The following SLC24A2 variants were observed in gnomAD, a reference collection of about 807,000 sequenced individuals.
SLC24A2 encodes the protein solute carrier family 24 member 2.
Under a neutral mutation model 62.0 loss-of-function variants are expected in SLC24A2, and 36 were observed. That is an observed-to-expected ratio of 0.58 (90% CI 0.44 to 0.77). SLC24A2 has a LOEUF of 0.77. Ranked by LOEUF, SLC24A2 falls within the 30% of genes least tolerant of loss-of-function variation. The pLI is 0.00. For missense variants in SLC24A2, 846 were observed against 817.9 expected, an observed-to-expected ratio of 1.03 and a Z score of -0.42; for synonymous variants, 358 against 294.0, an observed-to-expected ratio of 1.22 and a Z score of -2.23.
At chr9:20,304,529 A>T in the SLC24A2 span, among the ~76,000 whole-genome samples, 1 of 152,256 alleles carries the variant, frequency 6.6e-6, no homozygotes, top group Non-Finnish European at 1.5e-5. Flanking sequence ...ACACATGCGT[A>T]AGTTTGGAAA....
Position 19,515,108 on chromosome 9 carries a change from TACCCC to T in SLC24A2, c.*1040_*1044del, listed in dbSNP as rs1832874380. The T allele has an allele frequency of 6.6e-6, 1 of 152,102 alleles. No individual in the cohort carries two copies. Among genetic ancestry groups the T allele is most frequent in the South Asian group, 2.1e-4 (1 of 4,826 alleles). 9.4% of individuals were successfully genotyped at this position (152,102 alleles called of 1,614,324 possible). On this transcript the variant is annotated 3_prime_UTR_variant, in exon 11 of 11. Transcript: ENST00000341998. ...TCTACATGACAATCACAGCTAAACTTACCCCTCTTCTTTTGATGATAATGGGACAT... is the reference window on the plus strand; with the variant it reads ...TCTACATGACAATCACAGCTAAACTTTCTTCTTTTGATGATAATGGGACAT...
the SLC24A2 span, among the ~76,000 whole-genome samples, chr9:19,901,086 C>G: frequency 2.0e-5 from 3 of 152,182 alleles, no homozygotes; most frequent in Non-Finnish European, 4.4e-5. Flanking sequence ...TTCATTTAGC[C>G]AGTCGTGCAG....
At chr9:19,555,798 A>G (rs1835060734) in intron 7 of SLC24A2, among the ~76,000 whole-genome samples, 1 of 152,174 alleles carries the variant, frequency 6.6e-6, no homozygotes, top group Non-Finnish European at 1.5e-5. Context: ...TACAAAAATT[A>G]GCTAGGTGTG....
intron 1 of SLC24A2, 106 bp downstream of exon 1, chr9:19,788,779 C>A: frequency 1.0e-6 from 1 of 985,440 alleles, no homozygotes; most frequent in Non-Finnish European, 1.2e-6. Context: ...CACGGCAGAG[C>A]CACCTGTGAG....
At chr9:20,075,860 T>A in the SLC24A2 span, among the ~76,000 whole-genome samples, 1 of 152,214 alleles carries the variant, frequency 6.6e-6, no homozygotes, top group East Asian at 1.9e-4. Flanking sequence ...GAGGAATTGG[T>A]TCCAGGACCT....
chr9:19,878,918 T>C, the SLC24A2 span, among the ~76,000 whole-genome samples: 1 of 152,112 alleles, frequency 6.6e-6, no homozygotes, highest in East Asian at 1.9e-4. Flanking sequence ...ACATAGAATA[T>C]TGTCTTCAAA....
At chr9:19,762,763 T>C (rs969956449) in intron 2 of SLC24A2, among the ~76,000 whole-genome samples, 12 of 152,010 alleles carry the variant, frequency 7.9e-5, no homozygotes, top group Non-Finnish European at 2.9e-5. Context: ...GCTTTGTTCT[T>C]TTTGCTTAGG....
chr9:20,019,203 A>ACAG, the SLC24A2 span, among the ~76,000 whole-genome samples: 11 of 143,492 alleles, frequency 7.7e-5, no homozygotes, highest in South Asian at 2.4e-3. Context: ...AGAAAGAAGG[A>ACAG]AAAGAAAGAA....
the SLC24A2 span, among the ~76,000 whole-genome samples, chr9:19,915,702 T>C: frequency 5.8e-4 from 88 of 152,218 alleles, no homozygotes; most frequent in African/African-American, 2.1e-3. Flanking sequence ...TGAGCATCTG[T>C]TCACATACTT....
chr9:20,166,182 C>T, the SLC24A2 span, among the ~76,000 whole-genome samples: 4 of 151,994 alleles, frequency 2.6e-5, no homozygotes, highest in East Asian at 7.8e-4. Context: ...GGTAGGACTG[C>T]AGAATGATAC....
At chr9:20,191,048 T>G in the SLC24A2 span, among the ~76,000 whole-genome samples, 1 of 152,182 alleles carries the variant, frequency 6.6e-6, no homozygotes, top group Non-Finnish European at 1.5e-5. Flanking sequence ...ATTTGTGAAT[T>G]GACTTTGAAA....
At chr9:20,201,095 G>A in the SLC24A2 span, among the ~76,000 whole-genome samples, 8 of 152,292 alleles carry the variant, frequency 5.3e-5, no homozygotes, top group African/African-American at 1.9e-4. Context: ...TCTCCTTCAA[G>A]TACACAGAGT....
the SLC24A2 span, among the ~76,000 whole-genome samples, chr9:19,977,344 A>G: frequency 4.6e-5 from 7 of 152,272 alleles, no homozygotes; most frequent in South Asian, 1.5e-3. Flanking sequence ...TGCGTATTGA[A>G]TATATTAGAG....
chr9:19,794,627 C>G, the SLC24A2 span, among the ~76,000 whole-genome samples: 1 of 150,672 alleles, frequency 6.6e-6, no homozygotes, highest in East Asian at 1.9e-4. Context: ...TGTGAGTTCT[C>G]CAAGGGCAGA....
At chr9:20,176,389 A>T in the SLC24A2 span, among the ~76,000 whole-genome samples, 1 of 152,124 alleles carries the variant, frequency 6.6e-6, no homozygotes, top group East Asian at 1.9e-4. Context: ...AAAAACAATC[A>T]ACAGCCTTGT....
the SLC24A2 span, among the ~76,000 whole-genome samples, chr9:19,833,349 G>A: frequency 3.3e-5 from 5 of 152,160 alleles, no homozygotes; most frequent in Non-Finnish European, 7.4e-5. Flanking sequence ...GTGACAGACG[G>A]CACTTGGAAA....
At chr9:19,706,060 G>A (rs1482073667) in intron 2 of SLC24A2, among the ~76,000 whole-genome samples, 1 of 152,050 alleles carries the variant, frequency 6.6e-6, no homozygotes, top group Non-Finnish European at 1.5e-5. Context: ...ATTATTGTGT[G>A]GGAGTCCAAG....
the SLC24A2 span, among the ~76,000 whole-genome samples, chr9:20,097,467 G>A: frequency 3.6e-4 from 54 of 152,022 alleles, no homozygotes; most frequent in Admixed American, 6.6e-4. Flanking sequence ...TGGATGTTGG[G>A]AGTCAATTTA....
chr9:20,083,967 C>T, the SLC24A2 span, among the ~76,000 whole-genome samples: 2 of 152,186 alleles, frequency 1.3e-5, no homozygotes, highest in Admixed American at 6.5e-5. Context: ...TTCCATATAC[C>T]TATTGCTCCT....
Sources: gnomAD v4.1 joint callset for allele counts (sites outside exome capture counted in the v4.1 genomes callset) on GRCh38, gnomAD v4.1.1 for gene constraint, MANE v1.5 for transcripts, NCBI Gene and HGNC (gene_info 2026-07-23, HGNC 2026-07-21) for gene names.